Variants in MYO19 observed in about 807,000 individuals in gnomAD.
MYO19 encodes unconventional myosin-XIX.
MYO19 carries 132 observed loss-of-function variants against 129.2 expected under a neutral mutation model. That is an observed-to-expected ratio of 1.02 (90% CI 0.89 to 1.18). MYO19 has a LOEUF of 1.18. Among genes scored for constraint, MYO19 ranks in the 50% most tolerant of loss-of-function variants. MYO19 has a pLI of 0.00. For synonymous variants in MYO19, 531 were observed against 477.2 expected (o/e 1.11, Z -1.47); for missense variants, 1,210 against 1,216.7 (o/e 0.99, Z 0.08).
chr17:36,496,458 G>A (rs2070984397), intron 25 of MYO19, 52 bp from the exon 26 acceptor site: 14 of 1,589,482 alleles, frequency 8.8e-6, no homozygotes, highest in Non-Finnish European at 1.1e-5. Context: ...GGAGTGCCAG[G>A]GCCTAACAAC....
chr17:36,531,227 T>C (rs2073816674), intron 3 of MYO19, among the ~76,000 whole-genome samples: 2 of 151,748 alleles, frequency 1.3e-5, no homozygotes, highest in South Asian at 4.2e-4. Context: ...ACCCCATCTC[T>C]ACTAAAAAAT....
intron 2 of MYO19, among the ~76,000 whole-genome samples, chr17:36,541,477 G>A (rs1172058879): frequency 6.6e-6 from 1 of 152,130 alleles, no homozygotes; most frequent in Admixed American, 6.5e-5. Flanking sequence ...AACCTAGGTA[G>A]CCTGGAGAAC....
rs370601772 is a variant in MYO19, at chr17:36,525,288, C to G, written c.354G>C (p.Lys118Asn). 32 of 1,613,864 alleles carry G rather than the reference C, an allele frequency of 2.0e-5. No individual in the cohort carries two copies. In the African/African-American group the frequency reaches 3.7e-4, roughly 19 times the overall value. ...TVGEQTYRNV[K>N]SLIEPVNQSI... ...ACTGGTTGACTGGTTCAATCAGGCT[C>G]TTGACATTCCTGTAGGTCTGTTCAC... Residue 118 changes from lysine to asparagine, a missense_variant, in exon 6 of 26, where the codon AAG (lysine) becomes AAC (asparagine). Physicochemically the swap from Lys to Asn is moderately conservative, Grantham distance 94. Coordinates refer to ENST00000614623, the MANE Select transcript of MYO19 (RefSeq NM_001163735.2).
At position 36,525,586 on chromosome 17, in the gene MYO19, AC is replaced by A. The variant is rs577654904; in HGVS notation, c.301-246del. 1.8e-3 allele frequency among the ~76,000 whole-genome samples: 276 copies of A among 151,996 alleles called. 2 individuals carry two copies. Among genetic ancestry groups the A allele is most frequent in the African/African-American group, 6.4e-3 (265 of 41,426 alleles). On this transcript the variant is annotated intron_variant, in intron 5 of 25. Coordinates refer to ENST00000614623, the MANE Select transcript of MYO19 (RefSeq NM_001163735.2). ...CCAGTTTATGACATTAACACTTTATACCCCCATCTTATCTTGCTTTAATTGT... is the reference window on the plus strand; with the variant it reads ...CCAGTTTATGACATTAACACTTTATACCCCATCTTATCTTGCTTTAATTGT...
Position 36,509,132 on chromosome 17 carries a change from C to T in MYO19, c.1161G>A (p.Leu387=). The T allele has an allele frequency of 1.2e-6, 2 of 1,613,762 alleles. No individual in the cohort carries two copies. The highest frequency in any genetic ancestry group is 1.7e-6 in the Non-Finnish European group (2 of 1,179,782). ...DCLAKLIYAR[L]FDWLVSVINS... ...TGATCACTGATACCAGCCAGTCAAA[C>T]AACCTGTTGGGGGAAGAGAGTGGAC... The change falls in exon 14 of 26, where the codon TTG becomes TTA. Residue 387 remains leucine (L), a synonymous_variant. Coordinates refer to ENST00000614623, the MANE Select transcript of MYO19 (RefSeq NM_001163735.2).
chr17:36,532,950 G>A (rs567537856), intron 2 of MYO19, among the ~76,000 whole-genome samples: 1 of 152,280 alleles, frequency 6.6e-6, no homozygotes, highest in African/African-American at 2.4e-5. Context: ...CCATGGAGGA[G>A]GAGTAAGACA....
chr17:36,497,296 C>A (rs1329970041), intron 25 of MYO19, among the ~76,000 whole-genome samples: 3 of 151,306 alleles, frequency 2.0e-5, no homozygotes, highest in Admixed American at 6.6e-5. Flanking sequence ...GAGTGAGACT[C>A]CGTCTCAAAA....
chr17:36,514,378 G>T, intron 9 of MYO19, 68 bp downstream of exon 9: 5 of 1,005,718 alleles, frequency 5.0e-6, no homozygotes, highest in Non-Finnish European at 8.0e-6. Context: ...CTGGGGAGTG[G>T]GGGGTTGAAA....
chr17:36,507,054 T>C lies in MYO19; in HGVS notation c.1553A>G (p.His518Arg), dbSNP rs773208403. 1.2e-6 allele frequency: 2 copies of C among 1,613,644 alleles called. No individual in the cohort carries two copies. Among genetic ancestry groups the C allele is most frequent in the Admixed American group, 1.7e-5 (1 of 60,018 alleles). The change falls in exon 17 of 26, where the codon CAC (histidine) becomes CGC (arginine). Residue 518 changes from histidine to arginine, a missense_variant. Coordinates refer to ENST00000614623, the MANE Select transcript of MYO19 (RefSeq NM_001163735.2). ...TALAGSPCLG[H>R]NKLSREPSFI... ...GCTGGGCTCCCGGCTGAGCTTATTG[T>C]GGCCCAGGCAGGGGCTGCCTGCCAG...
intron 25 of MYO19, among the ~76,000 whole-genome samples, 154 bp from the exon 26 acceptor site, chr17:36,496,560 A>C (rs755320578): frequency 3.9e-5 from 6 of 152,178 alleles, no homozygotes; most frequent in Non-Finnish European, 8.8e-5. Flanking sequence ...ACATCCACTC[A>C]GTGTGAGACA....
At chr17:36,542,491 A>G (rs2074202266) in intron 1 of MYO19, among the ~76,000 whole-genome samples, 1 of 152,032 alleles carries the variant, frequency 6.6e-6, no homozygotes, top group Non-Finnish European at 1.5e-5. Flanking sequence ...AGAGGTCAGG[A>G]GATCAAGACC....
At chr17:36,538,552 T>TATA (rs1450452511), upstream of MYO19, 1 of 1,613,750 alleles carries the variant, frequency 6.2e-7, no homozygotes, top group Non-Finnish European at 8.5e-7. Flanking sequence ...AATCTCTATA[T>TATA]GTTTTCCAAC....
intron 6 of MYO19, among the ~76,000 whole-genome samples, chr17:36,522,631 AGGCCAACGC>A (rs1232417922): frequency 6.6e-6 from 1 of 152,158 alleles, no homozygotes; most frequent in Non-Finnish European, 1.5e-5. Flanking sequence ...GCACTTTGGG[AGGCCAACGC>A]GGGAAGATCA....
upstream of MYO19, among the ~76,000 whole-genome samples, chr17:36,543,796 T>G (rs2074216062): frequency 6.6e-6 from 1 of 152,132 alleles, no homozygotes; most frequent in Non-Finnish European, 1.5e-5. Flanking sequence ...GGCTAATTTT[T>G]GTATTTTTAG....
chr17:36,526,151 G>A (rs536867312), intron 5 of MYO19, among the ~76,000 whole-genome samples: 1 of 152,262 alleles, frequency 6.6e-6, no homozygotes, highest in South Asian at 2.1e-4. Context: ...CCTATCACCT[G>A]GAGGGATACA....
intron 11 of MYO19, chr17:36,513,137 C>T: frequency 1.4e-6 from 2 of 1,387,900 alleles, no homozygotes; most frequent in Non-Finnish European, 1.9e-6. Flanking sequence ...GGCGGTAGCA[C>T]TAGTTCTCTC....
At chr17:36,509,464 G>A in intron 13 of MYO19, 1 of 400,136 alleles carries the variant, frequency 2.5e-6, no homozygotes, top group Non-Finnish European at 4.6e-6. Flanking sequence ...AGTGTCTTGG[G>A]AAGGGGCAGA....
chr17:36,535,232 G>C (rs58812000), upstream of MYO19: 1 of 152,044 alleles, frequency 6.6e-6, no homozygotes, highest in African/African-American at 2.4e-5. Flanking sequence ...GTTGTGCGAG[G>C]CCGGCGGACA....
rs2070918599 is a variant in MYO19 at position 36,495,807 on chromosome 17, CTAAT to C, written c.*440_*443del. ...TTTGAAATTACATTAAATAAATCAA[CTAAT>C]TAAATACTAAAGTTTTGTTCCTTTT... On this transcript the variant is annotated 3_prime_UTR_variant, in exon 26 of 26. Transcript: ENST00000614623. 4.0e-6 allele frequency: 5 copies of C among 1,239,684 alleles called. No homozygotes were observed. Among genetic ancestry groups the C allele is most frequent in the South Asian group, 8.1e-5 (2 of 24,636 alleles). The allele number at this position is 1,239,684 out of a possible 1,614,324, so 76.8% of individuals were successfully genotyped here.
Sources: gnomAD v4.1 joint callset for allele counts (sites outside exome capture counted in the v4.1 genomes callset) on GRCh38, gnomAD v4.1.1 for gene constraint, MANE v1.5 for transcripts, NCBI Gene and HGNC (gene_info 2026-07-23, HGNC 2026-07-21) for gene names.